The following CAMSAP1 variants were observed in gnomAD, a reference collection of about 807,000 sequenced individuals.
CAMSAP1 encodes calmodulin regulated spectrin associated protein 1.
A neutral mutation model predicts 143.5 loss-of-function variants in CAMSAP1; 58 were observed. The ratio of observed to expected loss-of-function variants is 0.40; its 90% CI spans 0.33 to 0.50. CAMSAP1 has a LOEUF of 0.50. CAMSAP1 is among the 20% of genes least tolerant of loss of function. The pLI, the probability that CAMSAP1 is intolerant of heterozygous loss-of-function variation, is 0.45. For missense variants in CAMSAP1, 1,969 were observed against 2,115.7 expected, an observed-to-expected ratio of 0.93 and a Z score of 1.36; for synonymous variants, 945 against 859.3, an observed-to-expected ratio of 1.10 and a Z score of -1.74.
chr9:135,846,467 T>C (rs1185934876), intron 7 of CAMSAP1, among the ~76,000 whole-genome samples: 1 of 152,168 alleles, frequency 6.6e-6, no homozygotes, highest in South Asian at 2.1e-4. Flanking sequence ...GACACAGGCA[T>C]GGGCAAAGAC....
chr9:135,819,212 G>A (rs1835351768), intron 11 of CAMSAP1, 66 bp from the exon 12 acceptor site: 3 of 1,521,720 alleles, frequency 2.0e-6, no homozygotes, highest in South Asian at 2.5e-5. Flanking sequence ...GGCCGCACTC[G>A]ACCCAGCAGC....
At position 135,823,324 on chromosome 9, in the gene CAMSAP1, CA is replaced by C. The variant is rs1588447165; in HGVS notation, c.1401-65del. ...TACACCAAAGACCCCCAACATGGAC[CA>C]GGGGGTGAGAATGCCGGCCACACAA... On this transcript the variant is annotated intron_variant, in intron 10 of 16. Coordinates refer to ENST00000389532, the MANE Select transcript of CAMSAP1 (RefSeq NM_015447.4). 3.3e-6 allele frequency: 5 copies of C among 1,492,870 alleles called. No homozygotes were observed. In the East Asian group the frequency reaches 9.1e-5, roughly 27 times the overall value. 92.5% of individuals were successfully genotyped at this position (1,492,870 alleles called of 1,614,324 possible).
chr9:135,866,560 A>G (rs1184050928), intron 3 of CAMSAP1, 24 bp from the exon 4 acceptor site: 1 of 1,120,768 alleles, frequency 8.9e-7, no homozygotes, highest in South Asian at 1.3e-5. Context: ...GAAATGCATT[A>G]AAGAGGTAAT....
intron 1 of CAMSAP1, among the ~76,000 whole-genome samples, chr9:135,883,770 T>C (rs761455547): frequency 9.9e-5 from 15 of 152,212 alleles, no homozygotes; most frequent in Non-Finnish European, 2.1e-4. Context: ...AAATGAGGAC[T>C]ACCATCTGCA....
chr9:135,854,502 CTG>C, intron 5 of CAMSAP1, among the ~76,000 whole-genome samples: 1 of 151,586 alleles, frequency 6.6e-6, no homozygotes, highest in South Asian at 2.1e-4. Context: ...AGGTCTCACT[CTG>C]TCATCTGGAG....
intron 3 of CAMSAP1, among the ~76,000 whole-genome samples, 192 bp downstream of exon 3, chr9:135,881,441 G>C (rs367708743): frequency 1.3e-5 from 2 of 151,890 alleles, no homozygotes; most frequent in African/African-American, 2.4e-5. Flanking sequence ...CTCTACTCTC[G>C]GCCTGCGGGA....
At chr9:135,825,577 C>T (rs1835643677) in intron 8 of CAMSAP1, among the ~76,000 whole-genome samples, 1 of 152,234 alleles carries the variant, frequency 6.6e-6, no homozygotes, top group Non-Finnish European at 1.5e-5. Context: ...GGAAGTCACA[C>T]GTGTGCGGAT....
At chr9:135,870,272 G>C (rs1211823751) in intron 3 of CAMSAP1, among the ~76,000 whole-genome samples, 1 of 152,158 alleles carries the variant, frequency 6.6e-6, no homozygotes, top group Non-Finnish European at 1.5e-5. Context: ...CACAAGATGT[G>C]ATGGTTTTAT....
Position 135,850,417 on chromosome 9 carries a change from T to G in CAMSAP1, c.853A>C (p.Asn285His). Residue 285 changes from asparagine (N) to histidine (H), a missense_variant, in exon 6 of 17, where the codon AAT (asparagine) becomes CAT (histidine). By Grantham distance (68) the Asn-to-His change is moderately conservative. Coordinates refer to ENST00000389532, the MANE Select transcript of CAMSAP1 (RefSeq NM_015447.4). ...GAGAATTCTCTCAGAAGCCGAATAT[T>G]ATACAGACTGTCGGCCATCGACGTT... is the stretch of plus-strand genomic sequence containing the variant. ...EVTSMADSLY[N>H]IRLLREFSNE... is the part of the protein sequence containing the mutation. The G allele has an allele frequency of 6.2e-7, 1 of 1,608,452 alleles. No individual in the cohort carries two copies. The highest frequency in any genetic ancestry group is 1.3e-5 in the African/African-American group (1 of 74,676).
At chr9:135,903,622 GGCTTTCAAT>G (rs1488165091) in intron 1 of CAMSAP1, among the ~76,000 whole-genome samples, 1 of 152,228 alleles carries the variant, frequency 6.6e-6, no homozygotes, top group Non-Finnish European at 1.5e-5. Flanking sequence ...AGTTTCAGCA[GGCTTTCAAT>G]GCTTTCAATC....
chr9:135,881,471 C>T (rs942836634), intron 3 of CAMSAP1, among the ~76,000 whole-genome samples, 162 bp downstream of exon 3: 2 of 152,176 alleles, frequency 1.3e-5, no homozygotes, highest in African/African-American at 4.8e-5. Context: ...GCTTGCTTTG[C>T]TTCTTTTTAA....
rs1197203186 is a variant in CAMSAP1 at position 135,820,244 on chromosome 9, G to A, written c.3822+595C>T. Among the ~76,000 whole-genome samples the A allele has an allele frequency of 2.0e-5, 3 of 151,998 alleles. No homozygotes were observed. Among genetic ancestry groups the A allele is most frequent in the Non-Finnish European group, 4.4e-5 (3 of 67,968 alleles). ...ATTGAAAAACTACCACGAAAACATG[G>A]TCTTATCATCTTAGGAGACGACGAT... On this transcript the variant is annotated intron_variant, in intron 11 of 16. Coordinates refer to ENST00000389532, the MANE Select transcript of CAMSAP1 (RefSeq NM_015447.4). The surrounding 1 kb of genome is among the most constrained non-coding windows in gnomAD (Gnocchi z 4.4).
chr9:135,901,445 A>G (rs1838614338), intron 1 of CAMSAP1, among the ~76,000 whole-genome samples: 1 of 151,934 alleles, frequency 6.6e-6, no homozygotes. Context: ...CTCTACAAAA[A>G]ATAATAATTA....
At chr9:135,898,855 A>G (rs536896219) in intron 1 of CAMSAP1, among the ~76,000 whole-genome samples, 10 of 152,384 alleles carry the variant, frequency 6.6e-5, no homozygotes, top group African/African-American at 2.4e-4. Flanking sequence ...AATCCCAAGC[A>G]CAGCTGTTTA....
chr9:135,834,114 C>T (rs551078488), intron 7 of CAMSAP1, among the ~76,000 whole-genome samples: 2 of 152,146 alleles, frequency 1.3e-5, no homozygotes, highest in African/African-American at 4.8e-5. Flanking sequence ...TAAGGCATCA[C>T]ACACCTGTCA....
chr9:135,829,708 C>A (rs1015909738), intron 7 of CAMSAP1, among the ~76,000 whole-genome samples: 2 of 151,792 alleles, frequency 1.3e-5, no homozygotes, highest in African/African-American at 4.8e-5. Context: ...CAAAAATTAG[C>A]CAGGCGTGGT....
intron 1 of CAMSAP1, among the ~76,000 whole-genome samples, chr9:135,904,946 T>C (rs1001239242): frequency 2.7e-5 from 4 of 146,358 alleles, no homozygotes; most frequent in Middle Eastern, 3.5e-3. Flanking sequence ...GGCTGGACGA[T>C]AGAGCGAGAC....
intron 4 of CAMSAP1, chr9:135,865,421 C>T (rs1314981369): frequency 1.3e-6 from 2 of 1,523,478 alleles, no homozygotes; most frequent in Admixed American, 3.9e-5. Context: ...AGCAGGTCCA[C>T]GTGTGGACGA....
chr9:135,860,760 C>A (rs1007362711), intron 5 of CAMSAP1, among the ~76,000 whole-genome samples: 14 of 152,118 alleles, frequency 9.2e-5, no homozygotes, highest in Non-Finnish European at 1.8e-4. Flanking sequence ...TCACCCATGT[C>A]TTGGTGCCAA....
Sources: allele counts gnomAD v4.1 joint callset (sites outside exome capture counted in the v4.1 genomes callset), GRCh38; gene constraint gnomAD v4.1.1; non-coding constraint Gnocchi (gnomAD v3.1); transcripts MANE v1.5; gene names NCBI Gene and HGNC (gene_info 2026-07-23, HGNC 2026-07-21).